Variants in ACTR3C observed in about 807,000 individuals in gnomAD.
ACTR3C encodes actin-related protein 3C.
Under a neutral mutation model 26.3 loss-of-function variants are expected in ACTR3C, and 18 were observed. The ratio of observed to expected loss-of-function variants is 0.68; its 90% CI spans 0.47 to 1.01. The LOEUF (loss-of-function observed/expected upper bound fraction) is 1.01. Among genes scored for constraint, ACTR3C ranks in the 50% least tolerant of loss-of-function variants. The probability of loss-of-function intolerance (pLI) is 0.00; values close to 1 mark genes in which losing one functional copy is unlikely to be tolerated. For missense variants in ACTR3C, 184 were observed against 250.7 expected (o/e 0.73, Z 1.80); for synonymous variants, 55 against 94.5 (o/e 0.58, Z 2.42).
At chr7:150,286,807 T>C (rs1458604275) in intron 4 of ACTR3C, among the ~76,000 whole-genome samples, 5 of 151,612 alleles carry the variant, frequency 3.3e-5, no homozygotes. Context: ...TCTATCGCTA[T>C]CATATCTGAA....
the ACTR3C span, among the ~76,000 whole-genome samples, chr7:150,014,194 G>A: frequency 3.9e-5 from 6 of 152,118 alleles, no homozygotes; most frequent in South Asian, 4.2e-4. Context: ...GGTGGCTCAC[G>A]CCTGTAATCC....
intron 6 of ACTR3C, among the ~76,000 whole-genome samples, chr7:150,263,277 G>A (rs549025506): frequency 9.5e-4 from 144 of 152,248 alleles, no homozygotes; most frequent in African/African-American, 3.3e-3. Context: ...GAGTAATAAA[G>A]ACTGTTCTCT....
the ACTR3C span, among the ~76,000 whole-genome samples, chr7:150,232,884 G>A: frequency 2.0e-5 from 3 of 151,804 alleles, no homozygotes; most frequent in Admixed American, 2.0e-4. Flanking sequence ...TACATTTTAA[G>A]TAATCTAACT....
At chr7:149,927,192 A>G in the ACTR3C span, among the ~76,000 whole-genome samples, 1 of 152,024 alleles carries the variant, frequency 6.6e-6, no homozygotes, top group Non-Finnish European at 1.5e-5. Context: ...CTTACATCTC[A>G]AGGTAGGAAC....
the ACTR3C span, among the ~76,000 whole-genome samples, chr7:150,107,701 G>A: frequency 6.6e-6 from 1 of 151,688 alleles, no homozygotes; most frequent in Non-Finnish European, 1.5e-5. Flanking sequence ...GGGGAAGGAG[G>A]AGGTAGGGGG....
chr7:150,282,095 C>T (rs1267161192), intron 6 of ACTR3C, among the ~76,000 whole-genome samples: 1 of 142,912 alleles, frequency 7.0e-6, no homozygotes, highest in Non-Finnish European at 1.5e-5. Context: ...TCCCTTTCTT[C>T]GTGGCTACAT....
the ACTR3C span, among the ~76,000 whole-genome samples, chr7:149,918,737 G>T: frequency 2.0e-5 from 3 of 152,304 alleles, no homozygotes; most frequent in East Asian, 5.8e-4. Context: ...AAACCATGAG[G>T]ATGTGGAGAA....
chr7:149,942,997 C>T, the ACTR3C span, among the ~76,000 whole-genome samples: 1 of 152,008 alleles, frequency 6.6e-6, no homozygotes, highest in Non-Finnish European at 1.5e-5. Context: ...ACCAAAGATA[C>T]TGTTGGTGTC....
At chr7:150,127,139 G>GAGAC in the ACTR3C span, among the ~76,000 whole-genome samples, 8 of 129,598 alleles carry the variant, frequency 6.2e-5, no homozygotes, top group African/African-American at 2.0e-4. Context: ...CCTACCATTA[G>GAGAC]ACACACACAC....
chr7:150,198,930 TG>T, the ACTR3C span, among the ~76,000 whole-genome samples: 1 of 76,544 alleles, frequency 1.3e-5, no homozygotes, highest in African/African-American at 5.4e-5. Flanking sequence ...GGGAGGGAGG[TG>T]GGGGGGTCAG....
At chr7:150,012,192 TA>T in the ACTR3C span, among the ~76,000 whole-genome samples, 8 of 152,314 alleles carry the variant, frequency 5.3e-5, no homozygotes, top group East Asian at 1.3e-3. Flanking sequence ...TGCTGGTCTT[TA>T]AAGAAGCTCT....
At chr7:150,068,470 A>T in the ACTR3C span, among the ~76,000 whole-genome samples, 1 of 152,010 alleles carries the variant, frequency 6.6e-6, no homozygotes, top group African/African-American at 2.4e-5. Context: ...TCCAATTTTG[A>T]GTTTTTAATT....
At chr7:149,981,526 A>G in the ACTR3C span, among the ~76,000 whole-genome samples, 1 of 149,888 alleles carries the variant, frequency 6.7e-6, no homozygotes, top group African/African-American at 2.4e-5. Flanking sequence ...CATAATGGCT[A>G]TAAGTAGGAC....
chr7:150,251,497 T>A (rs1339577049), intron 6 of ACTR3C, among the ~76,000 whole-genome samples: 1 of 152,158 alleles, frequency 6.6e-6, no homozygotes, highest in Non-Finnish European at 1.5e-5. Context: ...TTTTAAAACA[T>A]GGTTGCTATA....
At chr7:150,277,440 C>T (rs772654233) in intron 6 of ACTR3C, among the ~76,000 whole-genome samples, 54 of 152,218 alleles carry the variant, frequency 3.5e-4, no homozygotes, top group Non-Finnish European at 5.7e-4. Context: ...AGGCTAAGGC[C>T]GTCTTGTCCT....
At chr7:149,923,421 T>C in the ACTR3C span, among the ~76,000 whole-genome samples, 1 of 152,170 alleles carries the variant, frequency 6.6e-6, no homozygotes, top group Non-Finnish European at 1.5e-5. Flanking sequence ...AATATATATA[T>C]ATCTATATCA....
the ACTR3C span, among the ~76,000 whole-genome samples, chr7:150,090,138 G>T: frequency 2.0e-5 from 3 of 152,324 alleles, no homozygotes; most frequent in African/African-American, 7.2e-5. Context: ...TGACATGCAC[G>T]TAGATGAGCT....
the ACTR3C span, among the ~76,000 whole-genome samples, chr7:150,037,114 A>G: frequency 5.2e-5 from 5 of 95,880 alleles, no homozygotes; most frequent in African/African-American, 1.4e-4. Context: ...CCAGGGGGGG[A>G]AGAGGGACTG....
chr7:149,897,342 A>C, the ACTR3C span, among the ~76,000 whole-genome samples: 1 of 152,222 alleles, frequency 6.6e-6, no homozygotes, highest in African/African-American at 2.4e-5. Context: ...AAAGCATTTA[A>C]CCTGTTACCT....
Sources: allele counts gnomAD v4.1 joint callset (sites outside exome capture counted in the v4.1 genomes callset), GRCh38; gene constraint gnomAD v4.1.1; transcripts MANE v1.5; gene names NCBI Gene and HGNC (gene_info 2026-07-23, HGNC 2026-07-21).